CALD1: variants seen among roughly 807,000 people sequenced by gnomAD.
The protein encoded by CALD1 is caldesmon.
A neutral mutation model predicts 99.9 loss-of-function variants in CALD1; 33 were observed. The observed-to-expected ratio is 0.33, with a 90% confidence interval of 0.25 to 0.44. CALD1 has a LOEUF of 0.44. Ranked by LOEUF, CALD1 falls within the 20% of genes least tolerant of loss-of-function variation. The pLI is 1.00. For missense variants in CALD1, 861 were observed against 962.1 expected (o/e 0.89, Z 1.39); for synonymous variants, 310 against 325.0 (o/e 0.95, Z 0.50).
chr7:134,959,308 C>A (rs906864263), intron 11 of CALD1, among the ~76,000 whole-genome samples: 1 of 151,846 alleles, frequency 6.6e-6, no homozygotes, highest in Non-Finnish European at 1.5e-5. Context: ...AGCCTCCCAA[C>A]CGTCTTGTTT....
At position 134,920,279 on chromosome 7, in the gene CALD1, G is replaced by T. The variant is rs144508054; in HGVS notation, c.72-8475G>T. 2.9e-4 allele frequency among the ~76,000 whole-genome samples: 37 copies of T among 125,828 alleles called. No homozygotes were observed. In the East Asian group the frequency reaches 0.019, roughly 65 times the overall value. 82.5% of individuals were successfully genotyped at this position (125,828 alleles called of 152,430 possible). A position where few individuals can be genotyped will look rare whatever the true frequency, so the allele number is the denominator to read the frequency against. ...CATGCTATGAAATAAAATCCCTGGG[G>T]GTTTTGGTACATGAAAAAGAATAAT... On this transcript the variant is annotated intron_variant, in intron 3 of 14. Transcript: ENST00000361675.
At chr7:134,731,312 C>T in the CALD1 span, among the ~76,000 whole-genome samples, 1 of 152,186 alleles carries the variant, frequency 6.6e-6, no homozygotes, top group African/African-American at 2.4e-5. Flanking sequence ...TGTCTCTCTC[C>T]CTAAAGCAAG....
At chr7:134,926,114 A>AATGAGTT (rs1303564482) in intron 3 of CALD1, among the ~76,000 whole-genome samples, 3 of 152,196 alleles carry the variant, frequency 2.0e-5, no homozygotes, top group African/African-American at 7.2e-5. Context: ...CTCAAATTCA[A>AATGAGTT]CAAGTCTAAA....
chr7:134,767,016 C>T (rs976572192), intron 1 of CALD1, among the ~76,000 whole-genome samples: 5 of 152,162 alleles, frequency 3.3e-5, no homozygotes, highest in African/African-American at 1.2e-4. Context: ...TTCACCCCAA[C>T]CCTTGGACAT....
intron 1 of CALD1, among the ~76,000 whole-genome samples, chr7:134,826,053 A>G (rs1192579474): frequency 6.6e-6 from 1 of 151,718 alleles, no homozygotes; most frequent in Non-Finnish European, 1.5e-5. Context: ...CTGTTTATAT[A>G]AAAAAAACTT....
intron 1 of CALD1, among the ~76,000 whole-genome samples, chr7:134,767,919 A>G (rs1404073635): frequency 3.3e-5 from 5 of 152,262 alleles, no homozygotes; most frequent in African/African-American, 1.2e-4. Context: ...ATGAATGAAT[A>G]AACAAATGAA....
At chr7:134,860,814 G>T (rs1187206960) in intron 2 of CALD1, among the ~76,000 whole-genome samples, 1 of 152,152 alleles carries the variant, frequency 6.6e-6, no homozygotes, top group Non-Finnish European at 1.5e-5. Flanking sequence ...TTAAGCTAGG[G>T]TTCTCAGGAA....
chr7:134,899,799 A>G (rs1385194075), intron 3 of CALD1: 1 of 151,706 alleles, frequency 6.6e-6, no homozygotes, highest in African/African-American at 2.4e-5. Flanking sequence ...GCTTGCCACC[A>G]CTCCTAGTTA....
intron 4 of CALD1, among the ~76,000 whole-genome samples, chr7:134,932,155 G>A (rs1049575825): frequency 6.6e-5 from 10 of 152,156 alleles, no homozygotes; most frequent in African/African-American, 2.4e-4. Flanking sequence ...TGGTCACATG[G>A]CCCGCCTAGG....
chr7:134,916,865 C>G (rs962411923), intron 3 of CALD1, among the ~76,000 whole-genome samples: 1 of 152,208 alleles, frequency 6.6e-6, no homozygotes, highest in Non-Finnish European at 1.5e-5. Context: ...ACTTCTAGAT[C>G]ACTCTAAATA....
upstream of CALD1, among the ~76,000 whole-genome samples, chr7:134,741,835 C>G (rs1796594724): frequency 6.6e-6 from 1 of 152,132 alleles, no homozygotes; most frequent in African/African-American, 2.4e-5. Flanking sequence ...AACCCTGAAA[C>G]TTTATGTTTA....
intron 1 of CALD1, among the ~76,000 whole-genome samples, chr7:134,794,903 A>T (rs1015800344): frequency 3.3e-5 from 5 of 152,210 alleles, no homozygotes; most frequent in Non-Finnish European, 5.9e-5. Flanking sequence ...CTGAAAAATC[A>T]CTTCAATTTT....
Position 134,968,022 on chromosome 7 carries a change from C to T in CALD1, c.2377-318C>T, listed in dbSNP as rs572754074. Among the ~76,000 whole-genome samples the T allele has an allele frequency of 1.4e-4, 21 of 151,866 alleles. No individual in the cohort carries two copies. The East Asian group carries it at 2.7e-3, about 20-fold the overall frequency. ...TTAGCCGGGCGTGGTGGTGTATGCC[C>T]GTAATCCCCAGCTACTCAGGAGGCT... On this transcript the variant is annotated intron_variant, in intron 14 of 14. Coordinates refer to ENST00000361675, the MANE Select transcript of CALD1 (RefSeq NM_033138.4).
At chr7:134,921,178 T>C (rs986232341) in intron 3 of CALD1, among the ~76,000 whole-genome samples, 1 of 152,272 alleles carries the variant, frequency 6.6e-6, no homozygotes, top group African/African-American at 2.4e-5. Context: ...TTCTGTAGTC[T>C]GATGAACAGT....
At position 134,950,496 on chromosome 7, in the gene CALD1, T is replaced by C. The variant is rs1249143399; in HGVS notation, c.1917T>C (p.Pro639=). 2 of 1,614,016 alleles carry C rather than the reference T, an allele frequency of 1.2e-6. No individual in the cohort carries two copies. Among genetic ancestry groups the C allele is most frequent in the Non-Finnish European group, 1.7e-6 (2 of 1,179,884 alleles). ...AGAAACCATTCAAGTGTTTCACTCC[T>C]AAAGGTTCATCTCTCAAGGTATTTT... ...DDKKPFKCFT[P]KGSSLKIEER... The change falls in exon 9 of 15, where the codon CCT becomes CCC. Residue 639 remains proline (P), a synonymous_variant. Transcript: ENST00000361675.
chr7:134,941,382 T>C, intron 7 of CALD1, 145 bp downstream of exon 7: 1 of 634,474 alleles, frequency 1.6e-6, no homozygotes, highest in Non-Finnish European at 2.7e-6. Context: ...GCCATTGTCT[T>C]AGAGATACTC....
rs965032510 is a variant in CALD1 at position 134,969,064 on chromosome 7, A to G, written c.*719A>G. The stretch of plus-strand genomic sequence containing the variant: ...TATGTGCATACACATATACAAACAC[A>G]CTAATGGTAGAATGCTTTTTTATGT... On this transcript the variant is annotated 3_prime_UTR_variant, in exon 15 of 15. Transcript: ENST00000361675. 7.1e-5 allele frequency: 11 copies of G among 154,874 alleles called. No homozygotes were observed. The highest frequency in any genetic ancestry group is 1.9e-4 in the East Asian group (1 of 5,318). 9.6% of individuals were successfully genotyped at this position (154,874 alleles called of 1,614,324 possible).
chr7:134,857,278 C>T (rs1162596018), intron 2 of CALD1, among the ~76,000 whole-genome samples: 1 of 149,994 alleles, frequency 6.7e-6, no homozygotes, highest in Non-Finnish European at 1.5e-5. Context: ...ACGCCATTCT[C>T]CTGCCTCAGC....
At chr7:134,809,854 G>A (rs909478825) in intron 1 of CALD1, among the ~76,000 whole-genome samples, 1 of 152,094 alleles carries the variant, frequency 6.6e-6, no homozygotes, top group East Asian at 1.9e-4. Context: ...GAGGTGATGA[G>A]AACATATTTT....
Sources: gnomAD v4.1 joint callset for allele counts (sites outside exome capture counted in the v4.1 genomes callset) on GRCh38, gnomAD v4.1.1 for gene constraint, MANE v1.5 for transcripts, NCBI Gene and HGNC (gene_info 2026-07-23, HGNC 2026-07-21) for gene names.